EPS8L1: variants seen among roughly 807,000 people sequenced by gnomAD.
EPS8L1 encodes the protein epidermal growth factor receptor kinase substrate 8-like protein 1.
A neutral mutation model predicts 91.7 loss-of-function variants in EPS8L1; 101 were observed. The ratio of observed to expected loss-of-function variants is 1.10; its 90% CI spans 0.94 to 1.30. The LOEUF (loss-of-function observed/expected upper bound fraction) is 1.30. EPS8L1 is among the 50% of genes most tolerant of loss of function. The pLI is 0.00. For synonymous variants in EPS8L1, 506 were observed against 445.3 expected, an observed-to-expected ratio of 1.14 and a Z score of -1.72; for missense variants, 1,114 against 1,017.0, an observed-to-expected ratio of 1.10 and a Z score of -1.30.
chr19:55,086,611 G>A (rs1466205362), intron 17 of EPS8L1, 93 bp downstream of exon 17: 3 of 1,530,970 alleles, frequency 2.0e-6, no homozygotes, highest in Admixed American at 4.1e-5. Flanking sequence ...AGGGACTCCC[G>A]TCCCATTCTG....
At chr19:55,086,565 T>A (rs1568797811) in intron 17 of EPS8L1, 47 bp downstream of exon 17, 1 of 1,542,244 alleles carries the variant, frequency 6.5e-7, no homozygotes, top group Middle Eastern at 1.8e-4. Flanking sequence ...TTATCCTTGC[T>A]TTCCAGGCAG....
Position 55,087,321 on chromosome 19 carries a change from T to C in EPS8L1, c.1971T>C (p.Gly657=). ...CGCTCAGGACCGTGGACGCGCTGGG[T>C]GTGCTGACCGGGGCGCAGCTTTTCT... The part of the protein sequence containing the change: ...GFSSGTVDAL[G]VLTGAQLFSL... The change falls in exon 19 of 20, where the codon GGT becomes GGC. Residue 657 remains glycine, a synonymous_variant. Transcript: ENST00000201647. 1 of 1,609,514 alleles carries C rather than the reference T, an allele frequency of 6.2e-7. No homozygotes were observed. The highest frequency in any genetic ancestry group is 2.2e-5 in the East Asian group (1 of 44,746).
chr19:55,082,539 A>G lies in EPS8L1; in HGVS notation c.1151A>G (p.Asp384Gly). The part of the protein sequence containing the change: ...LTSDAVALLR[D>G]NVTPRENELW... Reference sequence around the variant, plus strand: ...TCGGATGCCGTGGCGCTGCTGCGGGACAACGTCACTCCACGTGAAAACGAG... The same window carrying G: ...TCGGATGCCGTGGCGCTGCTGCGGGGCAACGTCACTCCACGTGAAAACGAG... Residue 384 changes from aspartate to glycine, a missense_variant, in exon 12 of 20, where the codon GAC becomes GGC. By Grantham distance (94) the Asp-to-Gly change is moderately conservative. Transcript: ENST00000201647. 2 of 1,608,780 alleles carry G rather than the reference A, an allele frequency of 1.2e-6. No homozygotes were observed. The highest frequency in any genetic ancestry group is 1.3e-5 in the African/African-American group (1 of 74,908).
At chr19:55,079,215 T>C (rs1030859507) in intron 4 of EPS8L1, among the ~76,000 whole-genome samples, 158 bp downstream of exon 4, 3 of 152,110 alleles carry the variant, frequency 2.0e-5, no homozygotes, top group Non-Finnish European at 4.4e-5. Context: ...ACCTCAGTCA[T>C]GGATATGAAG....
Position 55,087,549 on chromosome 19 carries a change from C to T in EPS8L1, c.2107C>T (p.Leu703=), listed in dbSNP as rs781261165. 4.3e-6 allele frequency: 7 copies of T among 1,614,176 alleles called. No homozygotes were observed. The South Asian group carries it at 6.6e-5, about 15-fold the overall frequency. The change falls in exon 20 of 20, where the codon CTG becomes TTG. Residue 703 remains leucine (L), a synonymous_variant. Transcript: ENST00000201647. The part of the protein sequence containing the change: ...LLEDKEKVSE[L]EAVMEKQKKK... ...CCAGGACAAAGAGAAAGTGTCAGAG[C>T]TGGAGGCAGTGATGGAGAAGCAAAA... is the stretch of plus-strand genomic sequence containing the variant.
intron 18 of EPS8L1, 81 bp downstream of exon 18, chr19:55,086,969 G>A (rs1252007086): frequency 3.6e-6 from 5 of 1,393,810 alleles, no homozygotes; most frequent in Admixed American, 7.0e-5. Flanking sequence ...GGAGTCGGGG[G>A]GCGGCAGTCG....
At chr19:55,087,142 A>C in intron 18 of EPS8L1, 161 bp from the exon 19 acceptor site, 1 of 1,205,998 alleles carries the variant, frequency 8.3e-7, no homozygotes. Context: ...CCCGGGTGGC[A>C]ACATTGTGAT....
intron 16 of EPS8L1, 39 bp from the exon 17 acceptor site, chr19:55,086,353 C>T: frequency 1.9e-6 from 3 of 1,599,736 alleles, no homozygotes; most frequent in Non-Finnish European, 2.6e-6. Context: ...ACTCTGAGTC[C>T]TCTCCCTAAC....
At chr19:55,086,319 T>A (rs2076351607) in intron 16 of EPS8L1, 73 bp from the exon 17 acceptor site, 5 of 1,607,904 alleles carry the variant, frequency 3.1e-6, no homozygotes, top group Non-Finnish European at 4.2e-6. Context: ...CAGAAATGCA[T>A]CTCCAGAAAG....
chr19:55,086,696 C>G lies in EPS8L1; in HGVS notation c.1778-18C>G. On this transcript the variant is annotated intron_variant, in intron 17 of 19. Transcript: ENST00000201647. ...GCCCTGAGCCCGCACTCCCTACCTC[C>G]CGGTTTCCCGCCTGCAGAGAAATTC... 1 of 1,605,722 alleles carries G rather than the reference C, an allele frequency of 6.2e-7. No homozygotes were observed. Among genetic ancestry groups the G allele is most frequent in the South Asian group, 1.1e-5 (1 of 90,034 alleles).
chr19:55,084,013 G>A (rs2076329703), intron 14 of EPS8L1: 1 of 513,530 alleles, frequency 1.9e-6, no homozygotes. Context: ...GGCTCCCTAG[G>A]AGGACAGAGC....
At chr19:55,086,346 C>CT in intron 16 of EPS8L1, 46 bp from the exon 17 acceptor site, 3 of 1,601,780 alleles carry the variant, frequency 1.9e-6, no homozygotes, top group Middle Eastern at 3.3e-4. Flanking sequence ...GGCTGGGACT[C>CT]TGAGTCCTCT....
At chr19:55,077,671 C>A (rs1006759103) in intron 2 of EPS8L1, among the ~76,000 whole-genome samples, 1 of 149,004 alleles carries the variant, frequency 6.7e-6, no homozygotes, top group Admixed American at 6.8e-5. Flanking sequence ...TCACTGCAAC[C>A]TCCGCCTCCC....
chr19:55,085,816 C>G, intron 14 of EPS8L1, 25 bp from the exon 15 acceptor site: 1 of 1,604,730 alleles, frequency 6.2e-7, no homozygotes, highest in South Asian at 1.1e-5. Flanking sequence ...GCCTCCTTAT[C>G]TCCAACCCTC....
rs1221460237 is a variant in EPS8L1, at chr19:55,078,948, A to G, written c.59-51A>G. ...GGGCCTGGACTCCTGGGTCTGATGG[A>G]GGAGGGGCTGGGCCTGGACTCCCAG... On this transcript the variant is annotated intron_variant, in intron 3 of 19. Transcript: ENST00000201647. The G allele has an allele frequency of 1.9e-6, 3 of 1,595,174 alleles. No homozygotes were observed. In the African/African-American group the frequency reaches 4.0e-5, roughly 22 times the overall value.
intron 16 of EPS8L1, 28 bp downstream of exon 16, chr19:55,086,220 G>C (rs1176529893): frequency 1.3e-5 from 21 of 1,593,274 alleles, no homozygotes; most frequent in Non-Finnish European, 1.8e-5. Flanking sequence ...CTGGGATCTT[G>C]AGGGTGGAGA....
chr19:55,079,989 C>A lies in EPS8L1; in HGVS notation c.279+138C>A, dbSNP rs2076219394. 2.1e-6 allele frequency: 3 copies of A among 1,424,100 alleles called. No homozygotes were observed. In the South Asian group the frequency reaches 4.3e-5, roughly 20 times the overall value. The allele number at this position is 1,424,100 out of a possible 1,614,324, so 88.2% of individuals were successfully genotyped here. Reference sequence around the variant, plus strand: ...CAGCCCCCTTCTTGAGCCTTAATAGCCTCATCTATTAAACAGGGCTGTTAT... The same window carrying A: ...CAGCCCCCTTCTTGAGCCTTAATAGACTCATCTATTAAACAGGGCTGTTAT... On this transcript the variant is annotated intron_variant, in intron 5 of 19. Transcript: ENST00000201647.
intron 11 of EPS8L1, 33 bp downstream of exon 11, chr19:55,082,382 G>C (rs2076287066): frequency 1.2e-6 from 2 of 1,612,534 alleles, no homozygotes; most frequent in Non-Finnish European, 8.5e-7. Flanking sequence ...GGGCCCCCCT[G>C]CAGCGGGAGG....
intron 14 of EPS8L1, chr19:55,084,286 G>A (rs1366025393): frequency 6.3e-6 from 1 of 157,732 alleles, no homozygotes; most frequent in African/African-American, 2.4e-5. Flanking sequence ...TGGGTTAAAA[G>A]GTTTGAGGGT....
Sources: gnomAD v4.1 joint callset for allele counts (sites outside exome capture counted in the v4.1 genomes callset) on GRCh38, gnomAD v4.1.1 for gene constraint, MANE v1.5 for transcripts, NCBI Gene and HGNC (gene_info 2026-07-23, HGNC 2026-07-21) for gene names.